Variants in ACSM2A observed in about 807,000 individuals in gnomAD.
ACSM2A encodes the protein acyl-CoA synthetase medium chain family member 2A, also known as acyl-coenzyme A synthetase ACSM2A, mitochondrial.
ACSM2A carries 72 observed loss-of-function variants against 76.6 expected under a neutral mutation model. That is an observed-to-expected ratio of 0.94 (90% CI 0.78 to 1.14). ACSM2A has a LOEUF of 1.14. Among genes scored for constraint, ACSM2A ranks in the 50% most tolerant of loss-of-function variants. The pLI is 0.00. For synonymous variants in ACSM2A, 249 were observed against 255.9 expected, an observed-to-expected ratio of 0.97 and a Z score of 0.26; for missense variants, 684 against 708.5, an observed-to-expected ratio of 0.97 and a Z score of 0.39.
chr16:20,458,892 TTATA>T (rs201331530), intron 1 of ACSM2A, among the ~76,000 whole-genome samples: 4 of 111,172 alleles, frequency 3.6e-5, no homozygotes, highest in Admixed American at 3.2e-4. Context: ...ATAGTATATA[TTATA>T]TATATATGCA....
intron 2 of ACSM2A, among the ~76,000 whole-genome samples, chr16:20,464,180 C>T (rs1187013341): frequency 3.3e-5 from 5 of 152,312 alleles, no homozygotes; most frequent in Admixed American, 2.0e-4. Flanking sequence ...TAAGACGTTC[C>T]GAACTTTTCC....
At chr16:20,458,624 C>G (rs2012359422) in intron 1 of ACSM2A, among the ~76,000 whole-genome samples, 1 of 138,568 alleles carries the variant, frequency 7.2e-6, no homozygotes, top group Admixed American at 7.5e-5. Context: ...GTATTTTTTG[C>G]CACACTCCTG....
intron 3 of ACSM2A, among the ~76,000 whole-genome samples, chr16:20,467,799 G>T (rs2013104084): frequency 1.3e-5 from 2 of 152,122 alleles, no homozygotes; most frequent in South Asian, 2.1e-4. Context: ...TCTAAAATTT[G>T]ACATGGAGAC....
chr16:20,479,235 G>C (rs547765022), intron 10 of ACSM2A, among the ~76,000 whole-genome samples: 1 of 152,076 alleles, frequency 6.6e-6, no homozygotes, highest in Middle Eastern at 3.4e-3. Flanking sequence ...GGACAGAGAA[G>C]ACCCCAAGGG....
chr16:20,467,393 G>T (rs1478546428), intron 3 of ACSM2A, among the ~76,000 whole-genome samples: 1 of 151,612 alleles, frequency 6.6e-6, no homozygotes, highest in Non-Finnish European at 1.5e-5. Context: ...TGCACTGAGT[G>T]ACATGATCCT....
chr16:20,474,478 A>G (rs1165824086), intron 6 of ACSM2A, among the ~76,000 whole-genome samples: 1 of 152,182 alleles, frequency 6.6e-6, no homozygotes, highest in Non-Finnish European at 1.5e-5. Flanking sequence ...GAAGGCTCTC[A>G]CCAGATGCAG....
chr16:20,483,567 C>A (rs1271283700), intron 13 of ACSM2A, among the ~76,000 whole-genome samples: 2 of 7,096 alleles, frequency 2.8e-4, no homozygotes, highest in South Asian at 0.019. Context: ...GAGACTCTGT[C>A]TCAAAAAAAA....
At chr16:20,476,251 T>A (rs1382572739) in intron 8 of ACSM2A, 1 of 994,384 alleles carries the variant, frequency 1.0e-6, no homozygotes, top group East Asian at 1.1e-4. Flanking sequence ...ACATATCTTC[T>A]TGGAACTCTT....
intron 1 of ACSM2A, among the ~76,000 whole-genome samples, chr16:20,457,461 C>T (rs2012253772): frequency 6.6e-6 from 1 of 152,042 alleles, no homozygotes; most frequent in African/African-American, 2.4e-5. Flanking sequence ...AAAAGATAAT[C>T]CACCATGATG....
chr16:20,462,328 G>A lies in ACSM2A; in HGVS notation c.177+2037G>A, dbSNP rs745912652. ...TGTGGAATTGCATTAATTTCACAAA[G>A]GGGTTTAGGTCCCTGAACAAGAAGG... On this transcript the variant is annotated intron_variant, in intron 2 of 13. Transcript: ENST00000573854. 9.9e-4 allele frequency among the ~76,000 whole-genome samples: 151 copies of A among 152,234 alleles called. 2 individuals are homozygous for A. Among genetic ancestry groups the A allele is most frequent in the Non-Finnish European group, 1.6e-3 (112 of 68,008 alleles).
chr16:20,466,232 C>A (rs987668631), intron 3 of ACSM2A, among the ~76,000 whole-genome samples: 6 of 152,110 alleles, frequency 3.9e-5, no homozygotes, highest in Admixed American at 3.9e-4. Flanking sequence ...CTATTTGGCC[C>A]TTTGCAGAAA....
chr16:20,484,497 GCACAGGCTAATTGT>G (rs1246441134), intron 13 of ACSM2A, among the ~76,000 whole-genome samples: 1 of 127,496 alleles, frequency 7.8e-6, no homozygotes, highest in Admixed American at 8.2e-5. Flanking sequence ...CCTTTCCTCA[GCACAGGCTAATTGT>G]CATAGGTCTT....
chr16:20,484,504 C>G (rs28642224), intron 13 of ACSM2A, among the ~76,000 whole-genome samples: 3,120 of 113,206 alleles, frequency 0.028, 61 homozygotes, highest in African/African-American at 0.084. Flanking sequence ...TCAGCACAGG[C>G]TAATTGTCAT....
intron 13 of ACSM2A, 147 bp from the exon 14 acceptor site, chr16:20,486,427 C>T (rs1430827321): frequency 1.0e-5 from 8 of 778,404 alleles, no homozygotes. Context: ...CATCCCAGAG[C>T]ACTTTCTGAA....
intron 4 of ACSM2A, among the ~76,000 whole-genome samples, chr16:20,470,319 ATC>A (rs1476209361): frequency 1.3e-5 from 2 of 152,142 alleles, no homozygotes; most frequent in Admixed American, 6.5e-5. Context: ...CACCTCTTGT[ATC>A]TCTAAGAGAG....
At position 20,475,693 on chromosome 16, in the gene ACSM2A, T is replaced by C. The variant is rs1567371034; in HGVS notation, c.1018T>C (p.Ser340Pro). The C allele has an allele frequency of 6.2e-7, 1 of 1,613,810 alleles. No homozygotes were observed. Among genetic ancestry groups the C allele is most frequent in the South Asian group, 1.1e-5 (1 of 91,052 alleles). Residue 340 changes from serine to proline, a missense_variant, in exon 8 of 14, where the codon TCC (serine) becomes CCC (proline). Transcript: ENST00000573854. ...ACAGAACTGCGTCACTGTAGGGGAG[T>C]CCCTTCTTCCAGAAACTCTGGAGAA... ...HLQNCVTVGE[S>P]LLPETLENWR...
rs578161256 is a variant in ACSM2A, at chr16:20,476,793, T to C, written c.1099-576T>C. The C allele has an allele frequency of 1.4e-4, 122 of 901,752 alleles. No homozygotes were observed. In the Middle Eastern group the frequency reaches 1.7e-3, roughly 13 times the overall value. 55.9% of individuals were successfully genotyped at this position (901,752 alleles called of 1,614,324 possible). On this transcript the variant is annotated intron_variant, in intron 8 of 13. Transcript: ENST00000573854. ...TGTCAGTGAGGCATCCACCACTCAT[T>C]TGTTATTCTGTTGGGAAGGTTCATT...
chr16:20,458,160 C>A (rs1382864764), intron 1 of ACSM2A, among the ~76,000 whole-genome samples: 1 of 151,316 alleles, frequency 6.6e-6, no homozygotes, highest in African/African-American at 2.4e-5. Context: ...ATAGATGACA[C>A]AAACAAATGG....
intron 2 of ACSM2A, among the ~76,000 whole-genome samples, chr16:20,461,418 G>T (rs531099515): frequency 1.3e-5 from 2 of 151,986 alleles, no homozygotes; most frequent in Non-Finnish European, 2.9e-5. Flanking sequence ...ATTCAGGAAG[G>T]CCCTTACTAC....
Sources: allele counts gnomAD v4.1 joint callset (sites outside exome capture counted in the v4.1 genomes callset), GRCh38; gene constraint gnomAD v4.1.1; transcripts MANE v1.5; gene names NCBI Gene and HGNC (gene_info 2026-07-23, HGNC 2026-07-21).